The following KMO variants were observed in gnomAD, a reference collection of about 807,000 sequenced individuals.
KMO encodes the protein kynurenine 3-monooxygenase.
A neutral mutation model predicts 57.8 loss-of-function variants in KMO; 24 were observed. That is an observed-to-expected ratio of 0.42 (90% confidence interval 0.30 to 0.58). KMO has a LOEUF of 0.58. Ranked by LOEUF, KMO falls within the 20% of genes least tolerant of loss-of-function variation. KMO has a pLI of 0.22. For missense variants in KMO, 483 were observed against 588.2 expected (o/e 0.82, Z 1.85); for synonymous variants, 210 against 193.6 (o/e 1.08, Z -0.70).
At position 241,549,709 on chromosome 1, in the gene KMO, A is replaced by G. The variant is rs774044531; in HGVS notation, c.157A>G (p.Ser53Gly). 6.8e-6 allele frequency: 11 copies of G among 1,613,660 alleles called. No homozygotes were observed. The South Asian group carries it at 1.2e-4, about 18-fold the overall frequency. Residue 53 changes from serine to glycine, a missense_variant, in exon 3 of 15, where the codon AGC becomes GGC. Physicochemically the swap from Ser to Gly is moderately conservative, Grantham distance 56. Coordinates refer to ENST00000366559, the MANE Select transcript of KMO (RefSeq NM_003679.5). ...TRVATFTRGR[S>G]INLALSHRGR... ...AGTGGCTACCTTCACACGTGGAAGA[A>G]GCATTAACTTAGCCCTTTCTCATAG...
intron 10 of KMO, among the ~76,000 whole-genome samples, chr1:241,576,802 G>A (rs1187579449): frequency 1.3e-5 from 2 of 151,898 alleles, no homozygotes; most frequent in African/African-American, 2.4e-5. Flanking sequence ...TCTGTAGCAG[G>A]GTCAGAAAAG....
At chr1:241,573,724 G>T (rs1255761443) in intron 10 of KMO, among the ~76,000 whole-genome samples, 1 of 151,948 alleles carries the variant, frequency 6.6e-6, no homozygotes, top group Non-Finnish European at 1.5e-5. Flanking sequence ...CTCCAGATTT[G>T]TTCTTTTTGC....
chr1:241,591,799 A>G (rs919166170), intron 14 of KMO, among the ~76,000 whole-genome samples, 154 bp from the exon 15 acceptor site: 1 of 152,194 alleles, frequency 6.6e-6, no homozygotes, highest in Non-Finnish European at 1.5e-5. Flanking sequence ...TCTTGATCTT[A>G]TCAGTTCCTG....
Position 241,561,593 on chromosome 1 carries a change from C to T in KMO, c.450-574C>T, listed in dbSNP as rs191886879. On this transcript the variant is annotated intron_variant, in intron 6 of 14. Coordinates refer to ENST00000366559, the MANE Select transcript of KMO (RefSeq NM_003679.5). ...CCTGTTTTCTGCTCCCTTTGGCATT[C>T]GGCCTTCTCTTCAAACTGCCAAGGA... Among the ~76,000 whole-genome samples, 14 of 152,302 alleles carry T rather than the reference C, an allele frequency of 9.2e-5. No individual in the cohort carries two copies. In the East Asian group the frequency reaches 2.7e-3, roughly 29 times the overall value.
chr1:241,570,247 T>C (rs1573926932), intron 10 of KMO, among the ~76,000 whole-genome samples: 2 of 152,010 alleles, frequency 1.3e-5, no homozygotes, highest in East Asian at 3.8e-4. Context: ...ATGATCCCAT[T>C]TGTCCTATTT....
chr1:241,556,759 C>T (rs994406115), intron 5 of KMO, among the ~76,000 whole-genome samples: 24 of 152,042 alleles, frequency 1.6e-4, no homozygotes, highest in Non-Finnish European at 1.9e-4. Context: ...CGTGGTGGCA[C>T]ATGCCGGTAA....
chr1:241,559,196 A>T (rs530726053), intron 5 of KMO, among the ~76,000 whole-genome samples: 3 of 152,092 alleles, frequency 2.0e-5, no homozygotes, highest in African/African-American at 7.2e-5. Flanking sequence ...TTCTTTTTAT[A>T]TATACTTGTT....
At chr1:241,559,355 G>GT (rs1390729793) in intron 5 of KMO, among the ~76,000 whole-genome samples, 2 of 152,098 alleles carry the variant, frequency 1.3e-5, no homozygotes, top group Middle Eastern at 3.2e-3. Flanking sequence ...CAATGGAACA[G>GT]TTTTTTTAGG....
rs771705605 is a variant in KMO, at chr1:241,564,975, T to C, written c.616-12T>C. ...GAATGCACTAATCAATCATATATTC[T>C]TTTTTCTGCAGTATGCCATGGAACC... On this transcript the variant is annotated splice_polypyrimidine_tract_variant and intron_variant, in intron 7 of 14. Coordinates refer to ENST00000366559, the MANE Select transcript of KMO (RefSeq NM_003679.5). 6.4e-7 allele frequency: 1 copy of C among 1,573,314 alleles called. No individual in the cohort carries two copies. Among genetic ancestry groups the C allele is most frequent in the African/African-American group, 1.3e-5 (1 of 74,136 alleles).
chr1:241,590,875 C>T (rs376357469), intron 14 of KMO, among the ~76,000 whole-genome samples: 16 of 152,192 alleles, frequency 1.1e-4, no homozygotes, highest in Non-Finnish European at 1.8e-4. Context: ...AAACTGCCCC[C>T]GAGGAGAACA....
rs1663093688 is a variant in KMO, at chr1:241,588,320, CTTTTTTTTCTTTT to C, written c.1016-419_1016-407del. ...AGAATTCCAGGACAAATTTTCTCATCTTTTTTTTCTTTTTTTTTTTTTTTTTTTTTTTTGGTTA... is the reference window on the plus strand; with the variant it reads ...AGAATTCCAGGACAAATTTTCTCATCTTTTTTTTTTTTTTTTTTTTGGTTA... On this transcript the variant is annotated intron_variant, in intron 11 of 14. Transcript: ENST00000366559. 2.8e-5 allele frequency among the ~76,000 whole-genome samples: 3 copies of C among 106,294 alleles called. No individual in the cohort carries two copies. The Admixed American group carries it at 3.4e-4, about 12-fold the overall frequency. The allele number at this position is 106,294 out of a possible 152,430, so 69.7% of individuals were successfully genotyped here. A position where few individuals can be genotyped will look rare whatever the true frequency, so the allele number is the denominator to read the frequency against.
chr1:241,539,292 G>A (rs1031136551), intron 1 of KMO, among the ~76,000 whole-genome samples: 1 of 152,024 alleles, frequency 6.6e-6, no homozygotes, highest in African/African-American at 2.4e-5. Flanking sequence ...GCTGAGGCAG[G>A]AGAATTGCTT....
intron 14 of KMO, among the ~76,000 whole-genome samples, chr1:241,591,425 CAA>C (rs35070185): frequency 2.1e-5 from 3 of 140,108 alleles, no homozygotes; most frequent in Admixed American, 7.1e-5. Flanking sequence ...ATTTCTCTGT[CAA>C]AAAAAAAAAA....
At chr1:241,568,899 G>A (rs1196793463) in intron 10 of KMO, among the ~76,000 whole-genome samples, 1 of 152,080 alleles carries the variant, frequency 6.6e-6, no homozygotes, top group African/African-American at 2.4e-5. Context: ...CAAGGGATCA[G>A]CTCCAGGACC....
rs993797785 is a variant in KMO at position 241,562,386 on chromosome 1, G to A, written c.615+54G>A. On this transcript the variant is annotated intron_variant, in intron 7 of 14. Transcript: ENST00000366559. ...CCCACAACCCTTGCTCCATGAGCGC[G>A]AATGCGTATTCTAGTGCAGTGGTTC... The A allele has an allele frequency of 1.7e-4, 267 of 1,556,972 alleles. 1 individual carries two copies. The highest frequency in any genetic ancestry group is 1.4e-3 in the Admixed American group (85 of 58,760).
chr1:241,551,503 A>G (rs971952743), intron 4 of KMO, among the ~76,000 whole-genome samples: 10 of 152,338 alleles, frequency 6.6e-5, no homozygotes, highest in Middle Eastern at 3.4e-3. Context: ...TTTGAGTACT[A>G]CATGATTTCT....
At chr1:241,590,442 AG>A in intron 14 of KMO, 179 bp downstream of exon 14, 1 of 548,768 alleles carries the variant, frequency 1.8e-6, no homozygotes, top group Non-Finnish European at 3.2e-6. Flanking sequence ...AAACATTACA[AG>A]GAGGTGGCAA....
At chr1:241,577,673 AT>A (rs1042388372) in intron 10 of KMO, among the ~76,000 whole-genome samples, 4 of 152,094 alleles carry the variant, frequency 2.6e-5, no homozygotes, top group African/African-American at 9.6e-5. Flanking sequence ...GCACTTTTTT[AT>A]TTATTTATTT....
chr1:241,554,118 G>C (rs566695922), intron 4 of KMO, among the ~76,000 whole-genome samples: 24 of 152,220 alleles, frequency 1.6e-4, no homozygotes, highest in African/African-American at 5.5e-4. Context: ...TCCTTTTCTA[G>C]AAAAAGGATA....
Sources: allele counts gnomAD v4.1 joint callset (sites outside exome capture counted in the v4.1 genomes callset), GRCh38; gene constraint gnomAD v4.1.1; transcripts MANE v1.5; gene names NCBI Gene and HGNC (gene_info 2026-07-23, HGNC 2026-07-21).